The following QSER1 variants were observed in gnomAD, a reference collection of about 807,000 sequenced individuals.
QSER1 encodes glutamine and serine rich 1.
In QSER1, 49 loss-of-function variants were observed where a neutral mutation model predicts 158.5. That is an observed-to-expected ratio of 0.31 (90% confidence interval 0.25 to 0.39). The LOEUF (loss-of-function observed/expected upper bound fraction) is 0.39, where lower values mean the gene tolerates loss of function less well. Among genes scored for constraint, QSER1 ranks in the 10% least tolerant of loss-of-function variants. QSER1 has a pLI of 1.00. For synonymous variants in QSER1, 650 were observed against 715.5 expected, an observed-to-expected ratio of 0.91 and a Z score of 1.46; for missense variants, 1,754 against 2,010.3, an observed-to-expected ratio of 0.87 and a Z score of 2.44.
intron 8 of QSER1, among the ~76,000 whole-genome samples, chr11:32,961,081 C>T (rs1395899132): frequency 6.6e-6 from 1 of 152,030 alleles, no homozygotes; most frequent in Non-Finnish European, 1.5e-5. Context: ...TTTAAAACAA[C>T]TATACTTTCC....
intron 1 of QSER1, among the ~76,000 whole-genome samples, chr11:32,902,858 G>A (rs76096166): frequency 0.018 from 2,780 of 152,246 alleles, 43 homozygotes; most frequent in South Asian, 0.035. Flanking sequence ...TTGTTAGCCC[G>A]TTATATAGAC....
At chr11:32,945,437 G>A (rs1852313852) in intron 4 of QSER1, among the ~76,000 whole-genome samples, 1 of 151,284 alleles carries the variant, frequency 6.6e-6, no homozygotes, top group South Asian at 2.1e-4. Context: ...GCCTGGTGGT[G>A]ACAAAAGCTC....
In QSER1 at chr11:32,934,226, G is replaced by T. The variant is rs771246588; in HGVS notation, c.2968G>T (p.Ala990Ser). 5.0e-6 allele frequency: 8 copies of T among 1,613,974 alleles called. No individual in the cohort carries two copies. The highest frequency in any genetic ancestry group is 6.8e-6 in the Non-Finnish European group (8 of 1,179,964). ...VDDILAATAA[A>S]CGVTPTDFSK... ...TGATATCTTAGCAGCTACAGCAGCA[G>T]CTTGTGGAGTTACACCTACTGATTT... is the stretch of plus-strand genomic sequence containing the variant. The change falls in exon 4 of 13, where the codon GCT becomes TCT. Residue 990 changes from alanine (A) to serine (S), a missense_variant. Ala to Ser is a moderately conservative substitution (Grantham distance 99). Coordinates refer to ENST00000650167, the MANE Select transcript of QSER1 (RefSeq NM_001076786.3).
chr11:32,958,130 C>G, intron 8 of QSER1, 44 bp downstream of exon 8: 1 of 1,450,178 alleles, frequency 6.9e-7, no homozygotes, highest in East Asian at 2.3e-5. Context: ...TTTAGATTAT[C>G]TACATGAGTG....
In QSER1 at chr11:32,934,199, G is replaced by A; in HGVS notation, c.2941G>A (p.Asp981Asn). 1 of 1,613,962 alleles carries A rather than the reference G, an allele frequency of 6.2e-7. No homozygotes were observed. The highest frequency in any genetic ancestry group is 8.5e-7 in the Non-Finnish European group (1 of 1,179,990). ...SDERNILSNV[D>N]DILAATAAAC... ...TGAAAGAAATATTTTATCAAATGTA[G>A]ATGATATCTTAGCAGCTACAGCAGC... is the stretch of plus-strand genomic sequence containing the variant. The change falls in exon 4 of 13, where the codon GAT (aspartate) becomes AAT (asparagine). Residue 981 changes from aspartate (D) to asparagine (N), a missense_variant. By Grantham distance (23) the Asp-to-Asn change is conservative. This residue lies in a region of QSER1 where 1,707 missense variants were observed against 1,919.6 expected (regional missense o/e 0.89). Coordinates refer to ENST00000650167, the MANE Select transcript of QSER1 (RefSeq NM_001076786.3).
rs1001443741 is a variant in QSER1, at chr11:32,979,232, T to C, written c.*2758T>C. 6.6e-6 allele frequency: 1 copy of C among 152,666 alleles called. No homozygotes were observed. The highest frequency in any genetic ancestry group is 2.4e-5 in the African/African-American group (1 of 41,456). 9.5% of individuals were successfully genotyped at this position (152,666 alleles called of 1,614,324 possible). On this transcript the variant is annotated 3_prime_UTR_variant, in exon 13 of 13. Transcript: ENST00000650167. ...ATTCCTTGCCAGGGAGTTTGAAATT[T>C]ATACTATAGAAATAACTTTAGGTTT...
Position 32,892,935 on chromosome 11 carries a change from C to G in QSER1, c.-191C>G, listed in dbSNP as rs947645780. On this transcript the variant is annotated 5_prime_UTR_variant, in exon 1 of 13. Transcript: ENST00000650167. ...CTGGGGCCTCGCCGCCCGCCGCGGC[C>G]CGGGTCTTTGCGGCCCAGACTCGCC... Among the ~76,000 whole-genome samples, 1 of 147,490 alleles carries G rather than the reference C, an allele frequency of 6.8e-6. No individual in the cohort carries two copies. Among genetic ancestry groups the G allele is most frequent in the Non-Finnish European group, 1.5e-5 (1 of 66,374 alleles).
At chr11:32,907,118 G>T (rs532598044) in intron 1 of QSER1, among the ~76,000 whole-genome samples, 1 of 152,148 alleles carries the variant, frequency 6.6e-6, no homozygotes, top group South Asian at 2.1e-4. Context: ...ATAAGTCTTT[G>T]GCTTACAAAT....
At chr11:32,925,494 T>TTTATTTA (rs1851956200) in intron 1 of QSER1, among the ~76,000 whole-genome samples, 3 of 143,568 alleles carry the variant, frequency 2.1e-5, no homozygotes, top group Admixed American at 7.1e-5. Context: ...TACATCGCTT[T>TTTATTTA]TTTATTTATT....
Position 32,978,557 on chromosome 11 carries a change from C to T in QSER1, c.*2083C>T, listed in dbSNP as rs945497063. 7.2e-5 allele frequency: 11 copies of T among 152,260 alleles called. 1 individual carries two copies. Among genetic ancestry groups the T allele is most frequent in the Admixed American group, 3.9e-4 (6 of 15,280 alleles). The allele number at this position is 152,260 out of a possible 1,614,324, so 9.4% of individuals were successfully genotyped here. On this transcript the variant is annotated 3_prime_UTR_variant, in exon 13 of 13. Transcript: ENST00000650167. ...TTGAATTCACTAGCCACATTTTCTT[C>T]ATGATATGCCTCGTGGCAAACAAAG...
chr11:32,936,795 G>C (rs1487414723), intron 4 of QSER1, among the ~76,000 whole-genome samples: 1 of 152,278 alleles, frequency 6.6e-6, no homozygotes, highest in Non-Finnish European at 1.5e-5. Context: ...ATACTTCCCA[G>C]CTTCTCTCTG....
At chr11:32,905,370 A>G (rs900301518) in intron 1 of QSER1, among the ~76,000 whole-genome samples, 7 of 152,260 alleles carry the variant, frequency 4.6e-5, no homozygotes, top group African/African-American at 1.7e-4. Flanking sequence ...CAAAACTGCA[A>G]GATGAACATT....
rs111288333 is a variant in QSER1 at position 32,930,803 on chromosome 11, A to G, written c.485-940A>G. On this transcript the variant is annotated intron_variant, in intron 3 of 12. Coordinates refer to ENST00000650167, the MANE Select transcript of QSER1 (RefSeq NM_001076786.3). ...TCATTTCTTTAGAATAAATTTCTAT[A>G]GAACTTTCAGATCACAAGGGTAAAC... Among the ~76,000 whole-genome samples the G allele has an allele frequency of 3.4e-3, 517 of 152,148 alleles. 3 individuals carry two copies. Among genetic ancestry groups the G allele is most frequent in the African/African-American group, 0.011 (466 of 41,578 alleles).
chr11:32,964,189 G>T (rs988612535), intron 8 of QSER1, among the ~76,000 whole-genome samples: 1 of 151,504 alleles, frequency 6.6e-6, no homozygotes, highest in African/African-American at 2.4e-5. Flanking sequence ...TGCCTGGGCT[G>T]GTCTTGAACT....
At chr11:32,896,209 C>T (rs1233745597) in intron 1 of QSER1, among the ~76,000 whole-genome samples, 1 of 152,118 alleles carries the variant, frequency 6.6e-6, no homozygotes, top group Non-Finnish European at 1.5e-5. Flanking sequence ...GATCCATTGC[C>T]GCATTCTGTA....
At chr11:32,905,840 C>T (rs779179524) in intron 1 of QSER1, among the ~76,000 whole-genome samples, 8 of 152,112 alleles carry the variant, frequency 5.3e-5, no homozygotes, top group African/African-American at 1.7e-4. Flanking sequence ...AGATATCAAG[C>T]ATATTTCACA....
intron 8 of QSER1, among the ~76,000 whole-genome samples, chr11:32,965,637 G>C (rs1188283326): frequency 6.6e-6 from 1 of 151,978 alleles, no homozygotes; most frequent in Non-Finnish European, 1.5e-5. Context: ...ACTTTTTCTG[G>C]TGTTGGGCTT....
chr11:32,936,732 G>T lies in QSER1; in HGVS notation c.4177+1297G>T, dbSNP rs201371166. On this transcript the variant is annotated intron_variant, in intron 4 of 12. Transcript: ENST00000650167. The stretch of plus-strand genomic sequence containing the variant: ...GTTCTAGAGCCTACATTCTTTCTCA[G>T]CTCTTTAGGATAAATAGGGTGGTGC... Among the ~76,000 whole-genome samples the T allele has an allele frequency of 1.2e-4, 18 of 152,288 alleles. No individual in the cohort carries two copies. In the East Asian group the frequency reaches 2.5e-3, roughly 21 times the overall value.
chr11:32,933,846 A>C lies in QSER1; in HGVS notation c.2588A>C (p.Gln863Pro). Reference protein sequence around the residue: ...QVLLDSACDLQILQQSILQAG... With the variant: ...QVLLDSACDLPILQQSILQAG... The stretch of plus-strand genomic sequence containing the variant: ...CTTTTAGATTCTGCCTGTGATTTAC[A>C]AATTCTTCAGCAGTCAATACTGCAG... The change falls in exon 4 of 13, where the codon CAA becomes CCA. Residue 863 changes from glutamine (Q) to proline (P), a missense_variant. Gln to Pro is a moderately conservative substitution (Grantham distance 76). Coordinates refer to ENST00000650167, the MANE Select transcript of QSER1 (RefSeq NM_001076786.3). 6.2e-7 allele frequency: 1 copy of C among 1,613,500 alleles called. No homozygotes were observed. Among genetic ancestry groups the C allele is most frequent in the South Asian group, 1.1e-5 (1 of 90,920 alleles).
Sources: gnomAD v4.1 joint callset for allele counts (sites outside exome capture counted in the v4.1 genomes callset) on GRCh38, gnomAD v4.1.1 for gene constraint, gnomAD v4.1.1 regional missense constraint, MANE v1.5 for transcripts, NCBI Gene and HGNC (gene_info 2026-07-23, HGNC 2026-07-21) for gene names.